POU2F1: variants seen among roughly 807,000 people sequenced by gnomAD.
POU2F1 encodes POU class 2 homeobox 1.
In POU2F1, 16 loss-of-function variants were observed where a neutral mutation model predicts 84.9. That is an observed-to-expected ratio of 0.19 (90% confidence interval 0.13 to 0.29). The LOEUF is 0.29. POU2F1 is among the 10% of genes least tolerant of loss of function. POU2F1 has a pLI of 1.00. For missense variants in POU2F1, 738 were observed against 942.6 expected (o/e 0.78, Z 2.84); for synonymous variants, 368 against 368.3 (o/e 1.00, Z 0.01).
chr1:167,416,087 T>TAAAACAAAAAAA lies in POU2F1; in HGVS notation c.*281_*282insCAAAAAAAAAAA. 1 of 351,044 alleles carries TAAAACAAAAAAA rather than the reference T, an allele frequency of 2.8e-6. No individual in the cohort carries two copies. Among genetic ancestry groups the TAAAACAAAAAAA allele is most frequent in the Non-Finnish European group, 5.2e-6 (1 of 192,874 alleles). The allele number at this position is 351,044 out of a possible 1,614,324, so 21.7% of individuals were successfully genotyped here. A position where few individuals can be genotyped will look rare whatever the true frequency, so the allele number is the denominator to read the frequency against. The stretch of plus-strand genomic sequence containing the variant: ...ATTGGAGAACTTTCTAACCAAAAAT[T>TAAAACAAAAAAA]AAAAAAAAAAAAAAAAAAAGAAACA... On this transcript the variant is annotated 3_prime_UTR_variant, in exon 16 of 16. Transcript: ENST00000367866.
chr1:167,321,367 A>G (rs556841638), intron 1 of POU2F1, among the ~76,000 whole-genome samples: 2 of 152,312 alleles, frequency 1.3e-5, no homozygotes, highest in South Asian at 2.1e-4. Context: ...AGCTGAGGGG[A>G]TAGTAAAGAA....
At position 167,263,946 on chromosome 1, in the gene POU2F1, A is replaced by AT. The variant is rs202029711; in HGVS notation, c.61+42994dup. On this transcript the variant is annotated intron_variant, in intron 1 of 15. Coordinates refer to ENST00000367866, the MANE Select transcript of POU2F1 (RefSeq NM_002697.4). ...GATGAAAGCTCTTCTATTACTTGTT[A>AT]TTTTTTGTAATTGCTATGTGCCAGG... 2.8e-3 allele frequency among the ~76,000 whole-genome samples: 423 copies of AT among 152,260 alleles called. 8 individuals are homozygous for AT. Among genetic ancestry groups the AT allele is most frequent in the East Asian group, 0.024 (126 of 5,182 alleles).
chr1:167,276,535 A>AC (rs766316754), intron 1 of POU2F1, among the ~76,000 whole-genome samples: 2 of 152,148 alleles, frequency 1.3e-5, no homozygotes, highest in Non-Finnish European at 2.9e-5. Flanking sequence ...TGTGCCCCCC[A>AC]CAGATAAGAG....
At chr1:167,392,632 C>T (rs1022538574) in intron 9 of POU2F1, among the ~76,000 whole-genome samples, 4 of 152,162 alleles carry the variant, frequency 2.6e-5, no homozygotes, top group Admixed American at 2.0e-4. Context: ...TCTCTCCCTC[C>T]GCACATCTCT....
At chr1:167,258,990 C>A (rs983724847) in intron 1 of POU2F1, among the ~76,000 whole-genome samples, 3 of 152,164 alleles carry the variant, frequency 2.0e-5, no homozygotes, top group African/African-American at 7.2e-5. Flanking sequence ...AGTTTGCTAA[C>A]CCCTGTTTTT....
intron 1 of POU2F1, among the ~76,000 whole-genome samples, chr1:167,320,290 G>T (rs1214158623): frequency 2.0e-5 from 3 of 152,170 alleles, no homozygotes; most frequent in African/African-American, 7.2e-5. Context: ...GAAGTATAGG[G>T]CGTCTGGAAA....
chr1:167,272,953 G>A (rs1191448794), intron 1 of POU2F1, among the ~76,000 whole-genome samples: 1 of 152,092 alleles, frequency 6.6e-6, no homozygotes, highest in Admixed American at 6.6e-5. Flanking sequence ...TTCCACTTAT[G>A]AGCCTGTGAA....
At chr1:167,367,911 C>T (rs531918932) in intron 3 of POU2F1, among the ~76,000 whole-genome samples, 4 of 151,418 alleles carry the variant, frequency 2.6e-5, no homozygotes, top group African/African-American at 4.8e-5. Context: ...ACCATGGCAC[C>T]GAGCCAAAAA....
chr1:167,253,188 A>G (rs1217854733), intron 1 of POU2F1, among the ~76,000 whole-genome samples: 1 of 152,224 alleles, frequency 6.6e-6, no homozygotes, highest in African/African-American at 2.4e-5. Flanking sequence ...TTCACTTCAA[A>G]GAAAAGCCTA....
chr1:167,403,497 A>G (rs1232716168), intron 13 of POU2F1, among the ~76,000 whole-genome samples: 1 of 152,146 alleles, frequency 6.6e-6, no homozygotes, highest in Non-Finnish European at 1.5e-5. Context: ...GTTGCTCAAA[A>G]CCATGCCCCT....
chr1:167,283,021 C>A (rs1032539692), intron 1 of POU2F1, among the ~76,000 whole-genome samples: 1 of 152,204 alleles, frequency 6.6e-6, no homozygotes, highest in Non-Finnish European at 1.5e-5. Context: ...GTGCTTGGCA[C>A]ATGTTAACAC....
intron 1 of POU2F1, among the ~76,000 whole-genome samples, chr1:167,221,655 G>C (rs1463026308): frequency 6.6e-6 from 1 of 150,966 alleles, no homozygotes; most frequent in Non-Finnish European, 1.5e-5. Flanking sequence ...GGCTGAGCCC[G>C]GGGGTCACGG....
At chr1:167,337,853 A>C (rs114793965) in intron 2 of POU2F1, 36 of 285,876 alleles carry the variant, frequency 1.3e-4, no homozygotes, top group African/African-American at 8.1e-4. Context: ...GCACACCAAG[A>C]TTTAAGGCAG....
At chr1:167,228,859 GTATTTT>G (rs1648845069) in intron 1 of POU2F1, among the ~76,000 whole-genome samples, 1 of 152,148 alleles carries the variant, frequency 6.6e-6, no homozygotes, top group Non-Finnish European at 1.5e-5. Context: ...GATAATGTCT[GTATTTT>G]TATAGTACTT....
At position 167,262,060 on chromosome 1, in the gene POU2F1, C is replaced by T. The variant is rs569081725; in HGVS notation, c.61+41102C>T. Reference sequence around the variant, plus strand: ...TGTTTCGTGTACCTAAGAATAGAACCTTAGGAACCTTCTTGGGACAGGGAT... The same window carrying T: ...TGTTTCGTGTACCTAAGAATAGAACTTTAGGAACCTTCTTGGGACAGGGAT... On this transcript the variant is annotated intron_variant, in intron 1 of 15. Coordinates refer to ENST00000367866, the MANE Select transcript of POU2F1 (RefSeq NM_002697.4). Among the ~76,000 whole-genome samples, 5 of 152,288 alleles carry T rather than the reference C, an allele frequency of 3.3e-5. No individual in the cohort carries two copies. The South Asian group carries it at 8.3e-4, about 25-fold the overall frequency.
chr1:167,398,059 T>C lies in POU2F1; in HGVS notation c.1195T>C (p.Leu399=), dbSNP rs1295637653. The C allele has an allele frequency of 1.2e-6, 2 of 1,614,146 alleles. No individual in the cohort carries two copies. Among genetic ancestry groups the C allele is most frequent in the Non-Finnish European group, 1.7e-6 (2 of 1,180,002 alleles). The stretch of plus-strand genomic sequence containing the variant: ...CCTGAATTCTCCAGGAATTGAGGGC[T>C]TGAGCCGTAGGAGGAAGAAACGCAC... ...SALNSPGIEG[L]SRRRKKRTSI... is the part of the protein sequence containing the mutation. Residue 399 remains leucine (L), a synonymous_variant, in exon 11 of 16, where the codon TTG becomes CTG. Coordinates refer to ENST00000367866, the MANE Select transcript of POU2F1 (RefSeq NM_002697.4).
At chr1:167,351,255 G>A (rs1658540940) in intron 2 of POU2F1, among the ~76,000 whole-genome samples, 1 of 152,162 alleles carries the variant, frequency 6.6e-6, no homozygotes, top group Non-Finnish European at 1.5e-5. Context: ...TCAGGAAGCT[G>A]AGACAGGAGA....
intron 7 of POU2F1, chr1:167,383,576 T>G (rs1361634487): frequency 4.8e-6 from 1 of 207,126 alleles, no homozygotes; most frequent in East Asian, 1.2e-4. Context: ...TTTTTTAACT[T>G]TCATCCCATT....
intron 2 of POU2F1, among the ~76,000 whole-genome samples, chr1:167,357,293 C>T (rs952880043): frequency 6.7e-6 from 1 of 149,206 alleles, no homozygotes; most frequent in East Asian, 2.0e-4. Context: ...TATTTTAATG[C>T]TTATTCTTTA....
Sources: allele counts gnomAD v4.1 joint callset (sites outside exome capture counted in the v4.1 genomes callset), GRCh38; gene constraint gnomAD v4.1.1; transcripts MANE v1.5; gene names NCBI Gene and HGNC (gene_info 2026-07-23, HGNC 2026-07-21).